ATP1B3: variants seen among roughly 807,000 people sequenced by gnomAD.
ATP1B3 encodes the protein sodium/potassium-transporting ATPase subunit beta-3.
A neutral mutation model predicts 30.2 loss-of-function variants in ATP1B3; 10 were observed. The ratio of observed to expected loss-of-function variants is 0.33; its 90% confidence interval spans 0.20 to 0.56. ATP1B3 has a LOEUF of 0.56. ATP1B3 is among the 20% of genes least tolerant of loss of function. ATP1B3 has a pLI of 0.90. For synonymous variants in ATP1B3, 113 were observed against 117.0 expected (o/e 0.97, Z 0.22); for missense variants, 238 against 336.7 (o/e 0.71, Z 2.29).
chr3:141,909,076 A>G (rs1272038571), intron 3 of ATP1B3, among the ~76,000 whole-genome samples: 3 of 152,116 alleles, frequency 2.0e-5, no homozygotes, highest in Non-Finnish European at 4.4e-5. Flanking sequence ...AACTTGAAAA[A>G]ATCTTCAACT....
intron 1 of ATP1B3, among the ~76,000 whole-genome samples, chr3:141,879,261 C>T (rs1933668285): frequency 6.6e-6 from 1 of 152,078 alleles, no homozygotes; most frequent in African/African-American, 2.4e-5. Context: ...TATATTCACC[C>T]TTTTCATGTA....
At chr3:141,922,294 C>A in intron 6 of ATP1B3, 1 of 346,232 alleles carries the variant, frequency 2.9e-6, no homozygotes, top group Non-Finnish European at 5.3e-6. Context: ...TCTAAAATAT[C>A]ATTTTCTTTT....
At chr3:141,902,370 A>G (rs1576395088) in intron 1 of ATP1B3, 1 of 537,992 alleles carries the variant, frequency 1.9e-6, no homozygotes, top group East Asian at 6.8e-5. Context: ...TTTCAGCACA[A>G]TCTGTTTTGG....
chr3:141,896,353 C>A (rs1934065092), intron 1 of ATP1B3, among the ~76,000 whole-genome samples: 2 of 151,496 alleles, frequency 1.3e-5, no homozygotes, highest in East Asian at 3.9e-4. Flanking sequence ...CCCTTCTGTA[C>A]AAAAAAAATT....
chr3:141,879,170 G>T (rs947276489), intron 1 of ATP1B3, among the ~76,000 whole-genome samples: 4 of 152,022 alleles, frequency 2.6e-5, no homozygotes, highest in Non-Finnish European at 4.4e-5. Flanking sequence ...TAAAACAAAA[G>T]GATCATAAAG....
At position 141,901,780 on chromosome 3, in the gene ATP1B3, A is replaced by G. The variant is rs543269023; in HGVS notation, c.110-1840A>G. ...TCAAAATGTTCAAAACAGTATTGTA[A>G]CAAGAATATTTTAAGATGACTTAAA... On this transcript the variant is annotated intron_variant, in intron 1 of 6. Coordinates refer to ENST00000286371, the MANE Select transcript of ATP1B3 (RefSeq NM_001679.4). Among the ~76,000 whole-genome samples, 13 of 152,332 alleles carry G rather than the reference A, an allele frequency of 8.5e-5. No homozygotes were observed. In the South Asian group the frequency reaches 2.7e-3, roughly 32 times the overall value.
intron 5 of ATP1B3, among the ~76,000 whole-genome samples, chr3:141,917,925 G>A (rs1008594402): frequency 2.0e-5 from 3 of 151,522 alleles, no homozygotes; most frequent in African/African-American, 4.8e-5. Flanking sequence ...CCGCCACCAC[G>A]CCCGGCTAAT....
At chr3:141,905,914 A>G (rs1414348341) in intron 2 of ATP1B3, among the ~76,000 whole-genome samples, 1 of 152,052 alleles carries the variant, frequency 6.6e-6, no homozygotes, top group Admixed American at 6.6e-5. Context: ...TTAAAGTATC[A>G]TTAGTTTAAA....
intron 6 of ATP1B3, 21 bp from the exon 7 acceptor site, chr3:141,925,510 A>C: frequency 1.3e-6 from 2 of 1,581,388 alleles, no homozygotes; most frequent in Non-Finnish European, 1.7e-6. Flanking sequence ...TTGAATTAAT[A>C]TATTTTCCTT....
At chr3:141,877,831 CTT>C (rs56245712) in intron 1 of ATP1B3, among the ~76,000 whole-genome samples, 17 of 140,198 alleles carry the variant, frequency 1.2e-4, no homozygotes, top group Admixed American at 2.1e-4. Flanking sequence ...CAGGCTAGAG[CTT>C]TTTTTTTTTT....
Position 141,916,038 on chromosome 3 carries a change from A to T in ATP1B3, c.582+18A>T, listed in dbSNP as rs749868355. 1.9e-6 allele frequency: 3 copies of T among 1,587,008 alleles called. No homozygotes were observed. Among genetic ancestry groups the T allele is most frequent in the Non-Finnish European group, 2.6e-6 (3 of 1,162,102 alleles). Reference sequence around the variant, plus strand: ...TTTCAAAGGTTAGTATTCAAAAAGTAACTCCTGTTAAATCTTTGATGTTTC... The same window carrying T: ...TTTCAAAGGTTAGTATTCAAAAAGTTACTCCTGTTAAATCTTTGATGTTTC... On this transcript the variant is annotated intron_variant, in intron 5 of 6. Transcript: ENST00000286371.
chr3:141,889,754 T>TACACAC lies in ATP1B3; in HGVS notation c.109+12845_109+12846insCACACA, dbSNP rs1341803770. The stretch of plus-strand genomic sequence containing the variant: ...AAAAAAAAAAAAAAAAAAAAAAATA[T>TACACAC]ATACACACACACACACACACACACA... On this transcript the variant is annotated intron_variant, in intron 1 of 6. Transcript: ENST00000286371. Among the ~76,000 whole-genome samples, 13 of 75,030 alleles carry TACACAC rather than the reference T, an allele frequency of 1.7e-4. 1 individual carries two copies. The highest frequency in any genetic ancestry group is 6.2e-4 in the East Asian group (1 of 1,606). 49.2% of individuals were successfully genotyped at this position (75,030 alleles called of 152,430 possible).
chr3:141,882,294 C>T (rs1030718136), intron 1 of ATP1B3, among the ~76,000 whole-genome samples: 1 of 152,194 alleles, frequency 6.6e-6, no homozygotes, highest in African/African-American at 2.4e-5. Flanking sequence ...GAAAAGTCAC[C>T]TGTAATCTTT....
At chr3:141,913,876 T>G (rs1233672570) in intron 4 of ATP1B3, 40 bp downstream of exon 4, 1 of 1,537,858 alleles carries the variant, frequency 6.5e-7, no homozygotes, top group Non-Finnish European at 8.8e-7. Context: ...TTTTTTCTAA[T>G]ATTCTCTTTT....
chr3:141,908,841 GCTCCTC>G (rs757780315), intron 3 of ATP1B3, among the ~76,000 whole-genome samples: 18 of 152,168 alleles, frequency 1.2e-4, no homozygotes, highest in Non-Finnish European at 2.6e-4. Context: ...TCAGATGGGA[GCTCCTC>G]CAGTTTCCCC....
intron 1 of ATP1B3, among the ~76,000 whole-genome samples, chr3:141,896,073 T>C (rs1934059345): frequency 6.6e-6 from 1 of 152,184 alleles, no homozygotes; most frequent in Non-Finnish European, 1.5e-5. Context: ...TGTCTTGGAC[T>C]GGGTGCGGTG....
intron 3 of ATP1B3, among the ~76,000 whole-genome samples, chr3:141,911,512 A>G (rs1452908248): frequency 4.3e-5 from 5 of 116,308 alleles, no homozygotes; most frequent in East Asian, 2.4e-4. Context: ...TTTTTTCTTC[A>G]TTGAGACAGT....
chr3:141,912,607 G>T (rs1019128654), intron 3 of ATP1B3, among the ~76,000 whole-genome samples: 1 of 152,092 alleles, frequency 6.6e-6, no homozygotes, highest in African/African-American at 2.4e-5. Flanking sequence ...GGTACCAATT[G>T]CACCCACACA....
At chr3:141,918,645 G>T (rs1576400845) in intron 5 of ATP1B3, 1 of 152,046 alleles carries the variant, frequency 6.6e-6, no homozygotes, top group Non-Finnish European at 1.5e-5. Context: ...TACCATGTTG[G>T]CCAGGATGGT....
Sources: allele counts gnomAD v4.1 joint callset (sites outside exome capture counted in the v4.1 genomes callset), GRCh38; gene constraint gnomAD v4.1.1; transcripts MANE v1.5; gene names NCBI Gene and HGNC (gene_info 2026-07-23, HGNC 2026-07-21).